Variants in RASGEF1A observed in about 807,000 individuals in gnomAD.
The protein encoded by RASGEF1A is RasGEF domain family member 1A.
In RASGEF1A, 18 loss-of-function variants were observed where a neutral mutation model predicts 56.4. The observed-to-expected ratio is 0.32, with a 90% confidence interval of 0.22 to 0.47. RASGEF1A has a LOEUF of 0.47. Ranked by LOEUF, RASGEF1A falls within the 20% of genes least tolerant of loss-of-function variation. The pLI is 1.00. For synonymous variants in RASGEF1A, 245 were observed against 242.6 expected, an observed-to-expected ratio of 1.01 and a Z score of -0.09; for missense variants, 422 against 627.1, an observed-to-expected ratio of 0.67 and a Z score of 3.49.
At chr10:43,202,653 C>G (rs554077741) in intron 3 of RASGEF1A, 766 of 466,990 alleles carry the variant, frequency 1.6e-3, no homozygotes, top group Admixed American at 4.1e-3. Context: ...CCCCGGCCCC[C>G]GCACCACCCA....
intron 1 of RASGEF1A, among the ~76,000 whole-genome samples, chr10:43,232,026 G>A (rs545750494): frequency 6.6e-6 from 1 of 152,258 alleles, no homozygotes; most frequent in Non-Finnish European, 1.5e-5. Context: ...CAGAGCAACA[G>A]AGCCTGCTCT....
chr10:43,203,036 A>G (rs1329596602), intron 3 of RASGEF1A, among the ~76,000 whole-genome samples: 2 of 40,650 alleles, frequency 4.9e-5, no homozygotes, highest in African/African-American at 2.1e-4. Flanking sequence ...CCCACCCTGC[A>G]GCCCCAGCTA....
At chr10:43,257,719 C>T (rs1162687800) in intron 1 of RASGEF1A, among the ~76,000 whole-genome samples, 1 of 152,248 alleles carries the variant, frequency 6.6e-6, no homozygotes, top group Non-Finnish European at 1.5e-5. Flanking sequence ...TCTCCAGAGC[C>T]AGCCCTGGCC....
At chr10:43,238,159 A>G (rs79188136) in intron 1 of RASGEF1A, among the ~76,000 whole-genome samples, 1 of 47,810 alleles carries the variant, frequency 2.1e-5, no homozygotes. Flanking sequence ...TCACAGAGTA[A>G]CACCTGCCCC....
chr10:43,233,833 C>T (rs1028885683), intron 1 of RASGEF1A, among the ~76,000 whole-genome samples: 3 of 152,246 alleles, frequency 2.0e-5, no homozygotes, highest in Non-Finnish European at 4.4e-5. Context: ...GCCCTACTCA[C>T]AAGGGCTTCG....
rs537184977 is a variant in RASGEF1A, at chr10:43,256,488, G to A, written c.-7+10357C>T. ...AGGGGGTGGTGAATCAATAGCCAAG[G>A]GAGGTGGGTGAAGAAAGTGAGGTGC... On this transcript the variant is annotated intron_variant, in intron 1 of 12. Coordinates refer to ENST00000395810, the MANE Select transcript of RASGEF1A (RefSeq NM_145313.4). 3.7e-3 allele frequency among the ~76,000 whole-genome samples: 560 copies of A among 152,282 alleles called. 2 individuals are homozygous for A. The highest frequency in any genetic ancestry group is 6.3e-3 in the Non-Finnish European group (428 of 68,014).
intron 1 of RASGEF1A, among the ~76,000 whole-genome samples, chr10:43,233,248 C>T (rs951513227): frequency 2.0e-5 from 3 of 152,170 alleles, no homozygotes; most frequent in Non-Finnish European, 4.4e-5. Flanking sequence ...ACTGCTACAT[C>T]CCAATGACTG....
intron 1 of RASGEF1A, among the ~76,000 whole-genome samples, chr10:43,223,020 C>T (rs1464548212): frequency 6.6e-6 from 1 of 151,830 alleles, no homozygotes; most frequent in Non-Finnish European, 1.5e-5. Flanking sequence ...TTTTATAACC[C>T]TATTAGAGGT....
intron 1 of RASGEF1A, among the ~76,000 whole-genome samples, chr10:43,236,731 A>T (rs1208461153): frequency 6.6e-6 from 1 of 152,134 alleles, no homozygotes; most frequent in African/African-American, 2.4e-5. Flanking sequence ...TCCCACTAAG[A>T]CTGTGCAAAG....
At chr10:43,207,327 G>A in intron 1 of RASGEF1A, 2 of 985,618 alleles carry the variant, frequency 2.0e-6, no homozygotes, top group Non-Finnish European at 2.4e-6. Flanking sequence ...ACAGGACCGT[G>A]GGCCTCTGCC....
chr10:43,210,405 T>C (rs1840050118), intron 1 of RASGEF1A, among the ~76,000 whole-genome samples: 1 of 151,988 alleles, frequency 6.6e-6, no homozygotes, highest in Non-Finnish European at 1.5e-5. Flanking sequence ...GCCCAGGAGG[T>C]TGAGGCTGCA....
At chr10:43,202,603 G>A (rs762403204) in intron 3 of RASGEF1A, 1 of 464,970 alleles carries the variant, frequency 2.2e-6, no homozygotes. Context: ...AAGACTCCGC[G>A]CCAGCCCACA....
chr10:43,238,629 T>C (rs1367364602), intron 1 of RASGEF1A, among the ~76,000 whole-genome samples: 1 of 152,122 alleles, frequency 6.6e-6, no homozygotes, highest in East Asian at 1.9e-4. Context: ...CCCTATAACA[T>C]GTTGCAGGGC....
chr10:43,222,767 T>C lies in RASGEF1A; in HGVS notation c.-6-16645A>G, dbSNP rs543867045. Among the ~76,000 whole-genome samples the C allele has an allele frequency of 2.0e-5, 3 of 152,358 alleles. No homozygotes were observed. In the East Asian group the frequency reaches 5.8e-4, roughly 29 times the overall value. Reference sequence around the variant, plus strand: ...GAAAGGAGTCCCAGGAGTGGTGATTTGCTGGGTGGGTCAGAAGCACAGGCC... The same window carrying C: ...GAAAGGAGTCCCAGGAGTGGTGATTCGCTGGGTGGGTCAGAAGCACAGGCC... On this transcript the variant is annotated intron_variant, in intron 1 of 12. Coordinates refer to ENST00000395810, the MANE Select transcript of RASGEF1A (RefSeq NM_145313.4).
rs572383772 is a variant in RASGEF1A at position 43,229,756 on chromosome 10, C to G, written c.-6-23634G>C. 2.8e-5 allele frequency: 37 copies of G among 1,314,682 alleles called. No homozygotes were observed. In the African/African-American group the frequency reaches 4.6e-4, roughly 16 times the overall value. 81.4% of individuals were successfully genotyped at this position (1,314,682 alleles called of 1,614,324 possible). ...GCAAGCACCCACTCCTGCGCCGGCC[C>G]CTGCCGCTGGACGCCTCCGCTGGAG... On this transcript the variant is annotated intron_variant, in intron 1 of 12. Coordinates refer to ENST00000395810, the MANE Select transcript of RASGEF1A (RefSeq NM_145313.4).
intron 1 of RASGEF1A, among the ~76,000 whole-genome samples, chr10:43,214,712 C>G (rs1193765258): frequency 2.6e-5 from 4 of 152,208 alleles, no homozygotes; most frequent in African/African-American, 9.7e-5. Flanking sequence ...ATTCTAGGAC[C>G]CCTTCTGGAT....
intron 1 of RASGEF1A, among the ~76,000 whole-genome samples, chr10:43,262,203 C>T (rs910981312): frequency 5.3e-5 from 8 of 152,168 alleles, no homozygotes; most frequent in African/African-American, 1.9e-4. Context: ...GATAAACCAT[C>T]AGAACGCGCC....
intron 4 of RASGEF1A, 55 bp from the exon 5 acceptor site, chr10:43,200,943 C>G: frequency 1.3e-6 from 2 of 1,504,244 alleles, no homozygotes; most frequent in Non-Finnish European, 1.8e-6. Flanking sequence ...AAGGCCACCA[C>G]CACTGTGGGT....
chr10:43,254,977 A>G (rs1840671781), intron 1 of RASGEF1A, among the ~76,000 whole-genome samples: 1 of 151,986 alleles, frequency 6.6e-6, no homozygotes. Flanking sequence ...TCGGCTGGGA[A>G]CACTGGGGAC....
Sources: allele counts gnomAD v4.1 joint callset (sites outside exome capture counted in the v4.1 genomes callset), GRCh38; gene constraint gnomAD v4.1.1; transcripts MANE v1.5; gene names NCBI Gene and HGNC (gene_info 2026-07-23, HGNC 2026-07-21).